C11orf65: variants seen among roughly 807,000 people sequenced by gnomAD.
C11orf65 encodes the protein protein MFI.
In C11orf65, 38 loss-of-function variants were observed where a neutral mutation model predicts 35.3. The ratio of observed to expected loss-of-function variants is 1.08; its 90% confidence interval spans 0.83 to 1.41. The LOEUF is 1.41. Ranked by LOEUF, C11orf65 falls within the 40% of genes most tolerant of loss-of-function variation. The pLI is 0.00. For missense variants in C11orf65, 370 were observed against 367.1 expected (o/e 1.01, Z -0.06); for synonymous variants, 105 against 114.4 (o/e 0.92, Z 0.53).
chr11:108,314,907 A>G (rs1231674528), intron 6 of C11orf65, among the ~76,000 whole-genome samples: 2 of 152,198 alleles, frequency 1.3e-5, no homozygotes, highest in Admixed American at 1.3e-4. Flanking sequence ...ACAAAGAATC[A>G]TCTGTCTGAA....
In C11orf65 at chr11:108,332,908, T is replaced by G; in HGVS notation, c.300-1341A>C. 1.2e-6 allele frequency: 2 copies of G among 1,610,726 alleles called. No individual in the cohort carries two copies. The highest frequency in any genetic ancestry group is 1.7e-6 in the Non-Finnish European group (2 of 1,179,038). On this transcript the variant is annotated intron_variant, in intron 3 of 3. Transcript: ENST00000524755. ...AGTGGAAGACTCAGAGAAGTATGTTTTTTTTAAAGAAGAAACGTTACTTTC... is the reference window on the plus strand; with the variant it reads ...AGTGGAAGACTCAGAGAAGTATGTTGTTTTTAAAGAAGAAACGTTACTTTC...
intron 2 of C11orf65, among the ~76,000 whole-genome samples, chr11:108,344,415 A>G (rs2088018339): frequency 6.6e-6 from 1 of 152,196 alleles, no homozygotes; most frequent in Non-Finnish European, 1.5e-5. Flanking sequence ...TGTTTGAGGA[A>G]GAAAAGATGA....
chr11:108,361,904 C>T (rs75792302), intron 2 of C11orf65, among the ~76,000 whole-genome samples: 2 of 147,884 alleles, frequency 1.4e-5, no homozygotes, highest in Non-Finnish European at 3.0e-5. Flanking sequence ...ACTTCATGTC[C>T]AAAACACCAA....
At position 108,405,445 on chromosome 11, in the gene C11orf65, C is replaced by CTG. The variant is rs748778346; in HGVS notation, c.543_544insCA (p.Glu182GlnfsTer4). On this transcript the variant is annotated frameshift_variant, in exon 6 of 9. Coordinates refer to ENST00000393084, the MANE Select transcript of C11orf65 (RefSeq NM_152587.5). LOFTEE classifies it high-confidence loss of function. ...TCAACTTACATTTGCCTCATCCACT[C>CTG]TATTTTTCTAAGTTTTCTTTTCTTT... is the stretch of plus-strand genomic sequence containing the variant. 3 of 1,612,574 alleles carry CTG rather than the reference C, an allele frequency of 1.9e-6. No homozygotes were observed. The highest frequency in any genetic ancestry group is 1.3e-5 in the African/African-American group (1 of 74,792).
intron 3 of C11orf65, among the ~76,000 whole-genome samples, chr11:108,421,247 A>G (rs2092811569): frequency 6.6e-6 from 1 of 152,152 alleles, no homozygotes; most frequent in African/African-American, 2.4e-5. Context: ...AGGTGGCTGC[A>G]GGTTGTATAT....
At chr11:108,393,574 C>T (rs994151780) in intron 6 of C11orf65, among the ~76,000 whole-genome samples, 196 bp from the exon 7 acceptor site, 4 of 152,154 alleles carry the variant, frequency 2.6e-5, no homozygotes, top group African/African-American at 7.2e-5. Flanking sequence ...AGCAACTTAA[C>T]CACACTAACT....
chr11:108,353,892 G>A lies in C11orf65; in HGVS notation c.227-18600C>T, dbSNP rs767836309. On this transcript the variant is annotated intron_variant, in intron 2 of 3. Transcript: ENST00000524755. ...GGTGTCTTCAGAAGGTAAGTGATAT[G>A]AAGTAAAGGAGGGAAATAATTTTTG... 12 of 1,601,442 alleles carry A rather than the reference G, an allele frequency of 7.5e-6. No homozygotes were observed. Among genetic ancestry groups the A allele is most frequent in the Admixed American group, 1.7e-5 (1 of 59,980 alleles).
intron 2 of C11orf65, among the ~76,000 whole-genome samples, chr11:108,372,606 G>A (rs772822791): frequency 2.0e-5 from 3 of 152,192 alleles, no homozygotes; most frequent in Non-Finnish European, 4.4e-5. Context: ...TTAAATCATT[G>A]CAGTGTAAAG....
intron 2 of C11orf65, among the ~76,000 whole-genome samples, chr11:108,338,207 C>T (rs548949252): frequency 2.6e-5 from 4 of 151,988 alleles, no homozygotes; most frequent in African/African-American, 9.6e-5. Context: ...AAAAATTAGC[C>T]AGGCGTGGTG....
intron 6 of C11orf65, among the ~76,000 whole-genome samples, chr11:108,401,738 A>G (rs1317437918): frequency 6.6e-6 from 1 of 152,132 alleles, no homozygotes; most frequent in Non-Finnish European, 1.5e-5. Flanking sequence ...ACCTAAAATA[A>G]CAAATATCCT....
At position 108,317,492 on chromosome 11, in the gene C11orf65, T is replaced by C. The variant is rs864622730; in HGVS notation, c.641-8421A>G. The stretch of plus-strand genomic sequence containing the variant: ...TTCATTACCAAGCAGCATGGAGGAA[T>C]ATGCAGTGGGACCATTGCACTTCCG... On this transcript the variant is annotated intron_variant, in intron 6 of 6. Transcript: ENST00000525729. 2.5e-6 allele frequency: 4 copies of C among 1,611,830 alleles called. No individual in the cohort carries two copies. Among genetic ancestry groups the C allele is most frequent in the Non-Finnish European group, 1.7e-6 (2 of 1,179,192 alleles).
At chr11:108,335,171 A>C in intron 3 of C11orf65, 1 of 1,610,228 alleles carries the variant, frequency 6.2e-7, no homozygotes, top group Non-Finnish European at 8.5e-7. Context: ...TTTAGTTCAT[A>C]TTTTCTTTCT....
At chr11:108,390,005 T>TA (rs1455625540) in intron 7 of C11orf65, among the ~76,000 whole-genome samples, 4 of 148,018 alleles carry the variant, frequency 2.7e-5, no homozygotes, top group African/African-American at 9.9e-5. Context: ...GTTTTTTTTT[T>TA]ATTTATTTTA....
rs112085747 is a variant in C11orf65, at chr11:108,441,546, A to T, written c.82-9708T>A. Among the ~76,000 whole-genome samples the T allele has an allele frequency of 7.2e-5, 11 of 152,334 alleles. No individual in the cohort carries two copies. In the East Asian group the frequency reaches 1.4e-3, roughly 19 times the overall value. ...TCCTCAAGTGGGTCCCTGACCCCCA[A>T]GTAGCCTAACTGGGAGGCACCCCCC... On this transcript the variant is annotated intron_variant, in intron 2 of 8. Coordinates refer to ENST00000393084, the MANE Select transcript of C11orf65 (RefSeq NM_152587.5).
intron 3 of C11orf65, among the ~76,000 whole-genome samples, chr11:108,428,787 T>A (rs1314519198): frequency 2.0e-5 from 3 of 152,156 alleles, no homozygotes; most frequent in African/African-American, 7.2e-5. Context: ...GTTCTGCACA[T>A]GTATCCCAGA....
intron 3 of C11orf65, among the ~76,000 whole-genome samples, chr11:108,430,046 A>C (rs963639670): frequency 6.6e-6 from 1 of 152,004 alleles, no homozygotes; most frequent in African/African-American, 2.4e-5. Context: ...TAAGATGAAA[A>C]GATTTATGGA....
chr11:108,461,655 T>G (rs1227593541), intron 1 of C11orf65, 87 bp from the exon 2 acceptor site: 1 of 876,552 alleles, frequency 1.1e-6, no homozygotes, highest in Non-Finnish European at 1.7e-6. Context: ...AGAGACACAT[T>G]CTTGCTCTGT....
chr11:108,401,702 G>A (rs1304394696), intron 6 of C11orf65, among the ~76,000 whole-genome samples: 3 of 152,052 alleles, frequency 2.0e-5, no homozygotes, highest in African/African-American at 4.8e-5. Flanking sequence ...TCAGTCCTTT[G>A]GATGTTAATC....
In C11orf65 at chr11:108,325,453, T is replaced by C; in HGVS notation, c.641-16382A>G. The stretch of plus-strand genomic sequence containing the variant: ...TTGGAGATCCTGATGGAAAAGGAAA[T>C]GGACAACTCACAAAGAGAATGTATT... On this transcript the variant is annotated intron_variant, in intron 6 of 6. Transcript: ENST00000525729. 6.2e-7 allele frequency: 1 copy of C among 1,613,856 alleles called. No homozygotes were observed. The highest frequency in any genetic ancestry group is 1.1e-5 in the South Asian group (1 of 91,080).
Sources: allele counts gnomAD v4.1 joint callset (sites outside exome capture counted in the v4.1 genomes callset), GRCh38; gene constraint gnomAD v4.1.1; transcripts MANE v1.5; gene names NCBI Gene and HGNC (gene_info 2026-07-23, HGNC 2026-07-21).